Variants in NCOA1 observed in about 807,000 individuals in gnomAD.
NCOA1 encodes nuclear receptor coactivator 1.
A neutral mutation model predicts 150.9 loss-of-function variants in NCOA1; 35 were observed. The ratio of observed to expected loss-of-function variants is 0.23; its 90% CI spans 0.18 to 0.31. The LOEUF is 0.31. NCOA1 is among the 10% of genes least tolerant of loss of function. The pLI, the probability that NCOA1 is intolerant of heterozygous loss-of-function variation, is 1.00. For missense variants in NCOA1, 1,491 were observed against 1,749.3 expected (o/e 0.85, Z 2.63); for synonymous variants, 590 against 630.0 (o/e 0.94, Z 0.95).
chr2:24,562,862 A>G (rs943646869), intron 1 of NCOA1, among the ~76,000 whole-genome samples: 3 of 152,202 alleles, frequency 2.0e-5, no homozygotes, highest in South Asian at 4.1e-4. Flanking sequence ...CAAGGGAATG[A>G]GTCTGGACTC....
intron 20 of NCOA1, among the ~76,000 whole-genome samples, chr2:24,754,117 A>G (rs1664383814): frequency 6.6e-6 from 1 of 152,036 alleles, no homozygotes; most frequent in Non-Finnish European, 1.5e-5. Flanking sequence ...CTTCTTACCT[A>G]TTCCACATGT....
At chr2:24,563,966 AGGCTACTGCTGCT>A (rs1440679970) in intron 1 of NCOA1, among the ~76,000 whole-genome samples, 1 of 152,148 alleles carries the variant, frequency 6.6e-6, no homozygotes, top group Non-Finnish European at 1.5e-5. Context: ...CTGGATACTC[AGGCTACTGCTGCT>A]GGGGTGACTT....
chr2:24,622,707 G>A (rs1477694326), intron 3 of NCOA1, among the ~76,000 whole-genome samples: 3 of 152,108 alleles, frequency 2.0e-5, no homozygotes, highest in Non-Finnish European at 4.4e-5. Context: ...AATTCAAACA[G>A]TTATTAAGAA....
intron 7 of NCOA1, among the ~76,000 whole-genome samples, chr2:24,682,024 T>C (rs1399438613): frequency 1.3e-5 from 2 of 152,216 alleles, no homozygotes; most frequent in Non-Finnish European, 2.9e-5. Context: ...CCGTGGCCTT[T>C]TTTAAAAGGA....
At chr2:24,657,272 G>C (rs1206227095) in intron 4 of NCOA1, among the ~76,000 whole-genome samples, 1 of 152,122 alleles carries the variant, frequency 6.6e-6, no homozygotes, top group Non-Finnish European at 1.5e-5. Context: ...AGAATGACTA[G>C]AATTGAGAAG....
At chr2:24,613,585 G>A (rs1668736761) in intron 3 of NCOA1, among the ~76,000 whole-genome samples, 1 of 152,200 alleles carries the variant, frequency 6.6e-6, no homozygotes, top group Admixed American at 6.5e-5. Context: ...CTTAATCCAG[G>A]AGAGTGGGTA....
In NCOA1 at chr2:24,555,734, G is replaced by T. The variant is rs150778890; in HGVS notation, c.-395-8561G>T. On this transcript the variant is annotated intron_variant, in intron 1 of 22. Coordinates refer to ENST00000348332, the MANE Select transcript of NCOA1 (RefSeq NM_003743.5). Reference sequence around the variant, plus strand: ...CACTTTATTACTGGAAATATTTCTTGTTCTGAGGTTTGTTTTGTCGATATT... The same window carrying T: ...CACTTTATTACTGGAAATATTTCTTTTTCTGAGGTTTGTTTTGTCGATATT... 2.0e-5 allele frequency among the ~76,000 whole-genome samples: 3 copies of T among 152,252 alleles called. No homozygotes were observed. The East Asian group carries it at 5.8e-4, about 29-fold the overall frequency.
At chr2:24,514,422 C>G (rs1037277959) in intron 1 of NCOA1, among the ~76,000 whole-genome samples, 1 of 151,236 alleles carries the variant, frequency 6.6e-6, no homozygotes, top group African/African-American at 2.4e-5. Context: ...TCTATGTGAG[C>G]AAGTAAAGTG....
intron 7 of NCOA1, among the ~76,000 whole-genome samples, chr2:24,676,856 G>T (rs1288424938): frequency 1.3e-5 from 2 of 152,034 alleles, no homozygotes; most frequent in South Asian, 4.1e-4. Context: ...TGACAGAATC[G>T]ACCAAGCTGA....
Position 24,706,717 on chromosome 2 carries a change from C to A in NCOA1, c.1247C>A (p.Thr416Asn). ...CCATCCAACAGCAACATGGTATCCA[C>A]CAGAATAAACCGCCAGCAGAGCTCA... ...LPPSNSNMVS[T>N]RINRQQSSDL... Residue 416 changes from threonine to asparagine, a missense_variant, in exon 13 of 23, where the codon ACC becomes AAC. Around this residue, in one of 8 missense-constraint regions of NCOA1, gnomAD observed 703 missense variants for 717.7 expected, o/e 0.98. Coordinates refer to ENST00000348332, the MANE Select transcript of NCOA1 (RefSeq NM_003743.5). 6.2e-7 allele frequency: 1 copy of A among 1,614,158 alleles called. No homozygotes were observed. Among genetic ancestry groups the A allele is most frequent in the East Asian group, 2.2e-5 (1 of 44,882 alleles).
At chr2:24,492,973 A>AAAAGC in intron 1 of NCOA1, among the ~76,000 whole-genome samples, 1 of 151,784 alleles carries the variant, frequency 6.6e-6, no homozygotes, top group East Asian at 1.9e-4. Context: ...CTCAAAAAAA[A>AAAAGC]AGCAAACAAA....
At chr2:24,698,188 G>A (rs1265204034) in intron 11 of NCOA1, among the ~76,000 whole-genome samples, 1 of 151,464 alleles carries the variant, frequency 6.6e-6, no homozygotes, top group African/African-American at 2.4e-5. Flanking sequence ...AGTTTGATGT[G>A]GGGTATGATA....
At chr2:24,730,407 C>G (rs1316094358) in intron 17 of NCOA1, among the ~76,000 whole-genome samples, 1 of 152,066 alleles carries the variant, frequency 6.6e-6, no homozygotes, top group Non-Finnish European at 1.5e-5. Context: ...TTTTGAGATA[C>G]AAACTATTTA....
intron 1 of NCOA1, among the ~76,000 whole-genome samples, chr2:24,542,761 A>G (rs1029213482): frequency 2.0e-5 from 3 of 152,196 alleles, no homozygotes; most frequent in African/African-American, 7.2e-5. Context: ...TTCCAGACAG[A>G]CAAGGTTTCA....
chr2:24,748,471 G>A (rs182457509), intron 19 of NCOA1, among the ~76,000 whole-genome samples: 5 of 152,148 alleles, frequency 3.3e-5, no homozygotes, highest in Admixed American at 2.0e-4. Flanking sequence ...TTAGTTGGGT[G>A]TGGTGGTATG....
At chr2:24,666,507 G>C (rs1344518039) in intron 6 of NCOA1, among the ~76,000 whole-genome samples, 2 of 152,130 alleles carry the variant, frequency 1.3e-5, no homozygotes, top group Non-Finnish European at 1.5e-5. Context: ...TGAGTCAGAA[G>C]ACACAAGTTG....
At chr2:24,624,566 T>C (rs1446112480) in intron 3 of NCOA1, among the ~76,000 whole-genome samples, 6 of 152,190 alleles carry the variant, frequency 3.9e-5, no homozygotes, top group Non-Finnish European at 8.8e-5. Context: ...CCAGCTTTGG[T>C]CCTTGCTTCT....
chr2:24,554,520 T>C (rs1376371424), intron 1 of NCOA1: 1 of 152,104 alleles, frequency 6.6e-6, no homozygotes, highest in African/African-American at 2.4e-5. Context: ...GAAATTACGA[T>C]AGAAAAGTTG....
In NCOA1 at chr2:24,769,064, GA is replaced by G; in HGVS notation, c.*677del. ...GGAATCCAAAAAATACAGTTTGGGGGAAAATGCAATAATTTTTGATGAGATG... is the reference window on the plus strand; with the variant it reads ...GGAATCCAAAAAATACAGTTTGGGGGAAATGCAATAATTTTTGATGAGATG... On this transcript the variant is annotated 3_prime_UTR_variant, in exon 23 of 23. Transcript: ENST00000348332. The G allele has an allele frequency of 4.7e-6, 1 of 214,576 alleles. No homozygotes were observed. Among genetic ancestry groups the G allele is most frequent in the Non-Finnish European group, 9.4e-6 (1 of 106,140 alleles). 13.3% of individuals were successfully genotyped at this position (214,576 alleles called of 1,614,324 possible). A position where few individuals can be genotyped will look rare whatever the true frequency, so the allele number is the denominator to read the frequency against.
Sources: allele counts gnomAD v4.1 joint callset (sites outside exome capture counted in the v4.1 genomes callset), GRCh38; gene constraint gnomAD v4.1.1; regional missense constraint gnomAD v4.1.1; transcripts MANE v1.5; gene names NCBI Gene and HGNC (gene_info 2026-07-23, HGNC 2026-07-21).